Variants in ABR observed in about 807,000 individuals in gnomAD.
ABR encodes the protein ABR activator of RhoGEF and GTPase.
In ABR, 35 loss-of-function variants were observed where a neutral mutation model predicts 107.2. That is an observed-to-expected ratio of 0.33 (90% CI 0.25 to 0.43). ABR has a LOEUF of 0.43. ABR is among the 20% of genes least tolerant of loss of function. The probability of loss-of-function intolerance (pLI) is 1.00; values close to 1 mark genes in which losing one functional copy is unlikely to be tolerated. For missense variants in ABR, 815 were observed against 1,115.2 expected (o/e 0.73, Z 3.83); for synonymous variants, 498 against 462.0 (o/e 1.08, Z -1.00).
chr17:1,012,741 G>A lies in ABR; in HGVS notation c.1908C>T (p.Thr636=), dbSNP rs1203831399. 5.0e-6 allele frequency: 8 copies of A among 1,598,528 alleles called. No homozygotes were observed. The highest frequency in any genetic ancestry group is 2.3e-5 in the South Asian group (2 of 88,306). Reference sequence around the variant, plus strand: ...AGACGCCGGTCTGCTTTTTGGACGGGGTCCTCTTCAGGCTCATATCTCGGC... The same window carrying A: ...AGACGCCGGTCTGCTTTTTGGACGGAGTCCTCTTCAGGCTCATATCTCGGC... ...FTSRDMSLKR[T]PSKKQTGVFG... Residue 636 remains threonine (T), a synonymous_variant, in exon 18 of 23, where the codon ACC becomes ACT. Coordinates refer to ENST00000302538, the MANE Select transcript of ABR (RefSeq NM_021962.5).
chr17:1,038,334 A>G (rs556218201), intron 16 of ABR, among the ~76,000 whole-genome samples: 1 of 152,054 alleles, frequency 6.6e-6, no homozygotes, highest in Non-Finnish European at 1.5e-5. Context: ...TTGTAAGGAC[A>G]CCTCTGGGTC....
rs577184546 is a variant in ABR at position 1,155,448 on chromosome 17, T to C, written c.61+24219A>G. Among the ~76,000 whole-genome samples the C allele has an allele frequency of 5.3e-5, 8 of 152,226 alleles. 1 individual carries two copies. In the South Asian group the frequency reaches 1.5e-3, roughly 28 times the overall value. The stretch of plus-strand genomic sequence containing the variant: ...ATGTAACAGCTAAAGCTAAACAACA[T>C]GTAGAAGAAAACCTGGGGGTAGATC... On this transcript the variant is annotated intron_variant, in intron 1 of 22. Coordinates refer to ENST00000302538, the MANE Select transcript of ABR (RefSeq NM_021962.5).
chr17:1,183,034 G>A (rs1417245895), upstream of ABR, among the ~76,000 whole-genome samples: 2 of 152,176 alleles, frequency 1.3e-5, no homozygotes, highest in African/African-American at 2.4e-5. Context: ...AACGTCACGC[G>A]CTGGGAAGGA....
intron 1 of ABR, among the ~76,000 whole-genome samples, chr17:1,216,507 G>A (rs145087473): frequency 1.3e-5 from 2 of 152,334 alleles, no homozygotes; most frequent in South Asian, 2.1e-4. Context: ...GAAGGGGCCC[G>A]TCGGCTCTAA....
Position 1,179,655 on chromosome 17 carries a change from C to G in ABR, c.61+12G>C. 2.0e-6 allele frequency: 3 copies of G among 1,533,368 alleles called. No individual in the cohort carries two copies. Among genetic ancestry groups the G allele is most frequent in the Non-Finnish European group, 2.6e-6 (3 of 1,138,992 alleles). 95.0% of individuals were successfully genotyped at this position (1,533,368 alleles called of 1,614,324 possible). A position where few individuals can be genotyped will look rare whatever the true frequency, so the allele number is the denominator to read the frequency against. ...CCGATCCTGGGGTCCCGCCCCCGCC[C>G]GGCACACGTACTGCTGTAGAGGGTG... On this transcript the variant is annotated intron_variant, in intron 1 of 22. Coordinates refer to ENST00000302538, the MANE Select transcript of ABR (RefSeq NM_021962.5). The surrounding 1 kb of genome is among the most constrained non-coding windows in gnomAD (Gnocchi z 4.9).
rs141047214 is a variant in ABR, at chr17:1,129,077, G to A, written c.62-3710C>T. Among the ~76,000 whole-genome samples, 149 of 152,278 alleles carry A rather than the reference G, an allele frequency of 9.8e-4. 2 individuals are homozygous for A. The East Asian group carries it at 0.02, about 20-fold the overall frequency. On this transcript the variant is annotated intron_variant, in intron 1 of 22. Transcript: ENST00000302538. ...CCGCTTCGGTGCTTTTCCTCTGACTGTCACCGTCCTTCTCAGGCTCCTTGG... is the reference window on the plus strand; with the variant it reads ...CCGCTTCGGTGCTTTTCCTCTGACTATCACCGTCCTTCTCAGGCTCCTTGG...
At chr17:1,132,098 A>G (rs2039868456) in intron 1 of ABR, among the ~76,000 whole-genome samples, 1 of 152,122 alleles carries the variant, frequency 6.6e-6, no homozygotes, top group Non-Finnish European at 1.5e-5. Flanking sequence ...CACGCCTGTC[A>G]TCCCATCACT....
In ABR at chr17:1,092,913, G is replaced by A. The variant is rs575764298; in HGVS notation, c.346-1063C>T. Among the ~76,000 whole-genome samples, 31 of 71,736 alleles carry A rather than the reference G, an allele frequency of 4.3e-4. No individual in the cohort carries two copies. Among genetic ancestry groups the A allele is most frequent in the African/African-American group, 1.3e-3 (28 of 20,934 alleles). 47.1% of individuals were successfully genotyped at this position (71,736 alleles called of 152,430 possible). On this transcript the variant is annotated intron_variant, in intron 3 of 22. Transcript: ENST00000302538. The surrounding 1 kb of genome is among the most constrained non-coding windows in gnomAD (Gnocchi z 4.6). Reference sequence around the variant, plus strand: ...TGGTGCGATCTCGGCTCCGCCTCCCGGGTTCACGCCATTCTCCTGCCTCAG... The same window carrying A: ...TGGTGCGATCTCGGCTCCGCCTCCCAGGTTCACGCCATTCTCCTGCCTCAG...
chr17:1,187,970 C>T (rs980125961), upstream of ABR, among the ~76,000 whole-genome samples: 2 of 152,094 alleles, frequency 1.3e-5, no homozygotes, highest in Non-Finnish European at 2.9e-5. Context: ...AATCCCAGCA[C>T]TTTGGGAGGC....
intron 6 of ABR, among the ~76,000 whole-genome samples, chr17:1,076,656 T>G (rs1169155366): frequency 7.2e-6 from 1 of 138,206 alleles, no homozygotes; most frequent in East Asian, 2.2e-4. Flanking sequence ...ACCTCCAGAG[T>G]CCACCTGAGT....
chr17:1,227,083 G>A (rs1433649291), intron 1 of ABR, among the ~76,000 whole-genome samples: 3 of 152,180 alleles, frequency 2.0e-5, no homozygotes, highest in East Asian at 1.9e-4. Flanking sequence ...CCCAGCTCAC[G>A]TCTGTAGTCC....
upstream of ABR, among the ~76,000 whole-genome samples, chr17:1,184,757 G>A (rs1598085640): frequency 6.6e-6 from 1 of 151,850 alleles, no homozygotes; most frequent in East Asian, 1.9e-4. Flanking sequence ...TGAACTCCTG[G>A]GTTCAAGCTG....
chr17:1,088,462 TAATAATAA>T (rs1008915564), intron 4 of ABR, among the ~76,000 whole-genome samples: 1 of 81,346 alleles, frequency 1.2e-5, no homozygotes, highest in African/African-American at 3.9e-5. Flanking sequence ...TTAATAATAA[TAATAATAA>T]TAATAATAAT....
rs764243364 is a variant in ABR at position 1,057,116 on chromosome 17, C to A, written c.1382-14G>T. The A allele has an allele frequency of 4.7e-5, 75 of 1,586,800 alleles. No homozygotes were observed. Among genetic ancestry groups the A allele is most frequent in the Non-Finnish European group, 6.5e-5 (75 of 1,156,934 alleles). On this transcript the variant is annotated splice_polypyrimidine_tract_variant and intron_variant, in intron 12 of 22. Transcript: ENST00000302538. ...AGGCCTGGAGATCTGGAGGGAGAGCCGAGAGAGAAGGGAGCGTGGGCACTG... is the reference window on the plus strand; with the variant it reads ...AGGCCTGGAGATCTGGAGGGAGAGCAGAGAGAGAAGGGAGCGTGGGCACTG...
intron 1 of ABR, among the ~76,000 whole-genome samples, chr17:1,212,728 A>G (rs2042926801): frequency 6.6e-6 from 1 of 152,174 alleles, no homozygotes; most frequent in Admixed American, 6.5e-5. Context: ...CATCTTTACT[A>G]AAAGTACAAA....
Position 1,011,056 on chromosome 17 carries a change from A to G in ABR, c.2102-193T>C, listed in dbSNP as rs936613925. The G allele has an allele frequency of 4.5e-6, 3 of 665,146 alleles. No homozygotes were observed. Among genetic ancestry groups the G allele is most frequent in the Non-Finnish European group, 2.5e-6 (1 of 397,418 alleles). The allele number at this position is 665,146 out of a possible 1,614,324, so 41.2% of individuals were successfully genotyped here. On this transcript the variant is annotated intron_variant, in intron 19 of 22. Coordinates refer to ENST00000302538, the MANE Select transcript of ABR (RefSeq NM_021962.5). The surrounding 1 kb of genome is among the most constrained non-coding windows in gnomAD (Gnocchi z 4.8). ...GTCGGGGTTGGGGGAACAGGGAGAG[A>G]TAGCCTGGGGGCCATCTGCTGTGGC...
At chr17:1,190,372 G>A (rs2042404842), upstream of ABR, among the ~76,000 whole-genome samples, 1 of 152,188 alleles carries the variant, frequency 6.6e-6, no homozygotes, top group African/African-American at 2.4e-5. Flanking sequence ...GGTGGCTCAC[G>A]CCTGTAATCC....
chr17:1,164,831 T>C (rs2041443780), intron 1 of ABR, among the ~76,000 whole-genome samples: 1 of 152,202 alleles, frequency 6.6e-6, no homozygotes, highest in South Asian at 2.1e-4. Flanking sequence ...CACTCCCAGC[T>C]AATTTTTTGT....
intron 1 of ABR, among the ~76,000 whole-genome samples, chr17:1,169,908 C>T (rs2041644280): frequency 6.6e-6 from 1 of 151,870 alleles, no homozygotes; most frequent in African/African-American, 2.4e-5. Context: ...ACTGGCCCTG[C>T]TCCATCCCAA....
Sources: gnomAD v4.1 joint callset for allele counts (sites outside exome capture counted in the v4.1 genomes callset) on GRCh38, gnomAD v4.1.1 for gene constraint, Gnocchi (gnomAD v3.1) non-coding constraint, MANE v1.5 for transcripts, NCBI Gene and HGNC (gene_info 2026-07-23, HGNC 2026-07-21) for gene names.